RPTOR: variants seen among roughly 807,000 people sequenced by gnomAD.
RPTOR encodes the protein regulatory-associated protein of mTOR.
In RPTOR, 21 loss-of-function variants were observed where a neutral mutation model predicts 169.9. The observed-to-expected ratio is 0.12, with a 90% confidence interval of 0.09 to 0.18. The LOEUF (loss-of-function observed/expected upper bound fraction) is 0.18, where lower values mean the gene tolerates loss of function less well. Among genes scored for constraint, RPTOR ranks in the 10% least tolerant of loss-of-function variants. The probability of loss-of-function intolerance (pLI) is 1.00; values close to 1 mark genes in which losing one functional copy is unlikely to be tolerated. For synonymous variants in RPTOR, 732 were observed against 753.2 expected (o/e 0.97, Z 0.46); for missense variants, 1,133 against 1,855.9 (o/e 0.61, Z 7.16).
At chr17:80,954,890 C>T (rs2069228959) in intron 28 of RPTOR, among the ~76,000 whole-genome samples, 1 of 151,924 alleles carries the variant, frequency 6.6e-6, no homozygotes, top group South Asian at 2.1e-4. Flanking sequence ...GCACTCCAGC[C>T]TGGGCAAAAG....
intron 6 of RPTOR, among the ~76,000 whole-genome samples, chr17:80,777,341 A>G (rs2066901209): frequency 6.6e-6 from 1 of 152,154 alleles, no homozygotes; most frequent in African/African-American, 2.4e-5. Context: ...GTTTCATGTT[A>G]TTTCGAAATT....
chr17:80,711,032 G>GTT, intron 4 of RPTOR, among the ~76,000 whole-genome samples: 1 of 152,258 alleles, frequency 6.6e-6, no homozygotes, highest in East Asian at 1.9e-4. Flanking sequence ...CTTCTTTCAT[G>GTT]GTTAAAGGGT....
Position 80,942,826 on chromosome 17 carries a change from C to T in RPTOR, c.3025+2225C>T, listed in dbSNP as rs1321351438. 2.0e-5 allele frequency among the ~76,000 whole-genome samples: 3 copies of T among 152,248 alleles called. No homozygotes were observed. In the East Asian group the frequency reaches 5.8e-4, roughly 29 times the overall value. On this transcript the variant is annotated intron_variant, in intron 25 of 33. Transcript: ENST00000306801. Reference sequence around the variant, plus strand: ...GGGCAACATTCACGACCTTGGCTGTCACGCACTGATTTTCAAACGTACCAA... The same window carrying T: ...GGGCAACATTCACGACCTTGGCTGTTACGCACTGATTTTCAAACGTACCAA...
At chr17:80,672,858 A>G (rs751817100) in intron 3 of RPTOR, among the ~76,000 whole-genome samples, 9 of 152,190 alleles carry the variant, frequency 5.9e-5, no homozygotes, top group Non-Finnish European at 1.2e-4. Context: ...AAATGACGAT[A>G]CCACCCATTT....
intron 3 of RPTOR, among the ~76,000 whole-genome samples, chr17:80,655,375 AT>A (rs1470797048): frequency 1.3e-5 from 2 of 151,796 alleles, no homozygotes; most frequent in African/African-American, 2.4e-5. Context: ...TATGAGCCAT[AT>A]TTTTTGTTTT....
intron 5 of RPTOR, among the ~76,000 whole-genome samples, chr17:80,748,222 TTGGG>T (rs199819414): frequency 7.6e-5 from 7 of 91,772 alleles, no homozygotes; most frequent in East Asian, 3.2e-4. Flanking sequence ...GGAGGGCCTG[TTGGG>T]TGGATGGAGG....
chr17:80,621,724 A>G (rs1349580904), intron 1 of RPTOR, among the ~76,000 whole-genome samples: 1 of 152,274 alleles, frequency 6.6e-6, no homozygotes, highest in East Asian at 1.9e-4. Flanking sequence ...GCACTAGCAC[A>G]GGGAGTCACC....
chr17:80,666,667 A>G (rs965991786), intron 3 of RPTOR, among the ~76,000 whole-genome samples: 23 of 152,280 alleles, frequency 1.5e-4, no homozygotes, highest in Non-Finnish European at 3.2e-4. Context: ...TCATTCAGCA[A>G]ATGTTTATTG....
intron 20 of RPTOR, among the ~76,000 whole-genome samples, chr17:80,896,381 G>A (rs1158644730): frequency 2.2e-5 from 3 of 135,318 alleles, no homozygotes; most frequent in Non-Finnish European, 3.2e-5. Context: ...CACCCCACGC[G>A]GCCTCGCTGA....
chr17:80,932,695 G>GA (rs974040697), intron 24 of RPTOR, among the ~76,000 whole-genome samples: 1 of 152,018 alleles, frequency 6.6e-6, no homozygotes, highest in Non-Finnish European at 1.5e-5. Context: ...CAAAGAGTGG[G>GA]AAAAAAACAA....
rs1280783346 is a variant in RPTOR, at chr17:80,803,973, TG to T, written c.890+12465del. Among the ~76,000 whole-genome samples, 6 of 152,314 alleles carry T rather than the reference TG, an allele frequency of 3.9e-5. No homozygotes were observed. Among genetic ancestry groups the T allele is most frequent in the Non-Finnish European group, 7.4e-5 (5 of 68,022 alleles). On this transcript the variant is annotated intron_variant, in intron 7 of 33. Transcript: ENST00000306801. This position sits in a 1 kb window ranked among gnomAD's most constrained non-coding sequence, Gnocchi z 6.2. The stretch of plus-strand genomic sequence containing the variant: ...CTGAGCCAGGCACGAGCTTGGGCTG[TG>T]TGGCAAGGGCCTTCTTTGAAAGAGG...
chr17:80,616,296 A>ATGTTTTT (rs1409395643), intron 1 of RPTOR, among the ~76,000 whole-genome samples: 1 of 101,790 alleles, frequency 9.8e-6, no homozygotes, highest in African/African-American at 4.1e-5. Flanking sequence ...AAAATTGAAA[A>ATGTTTTT]TCTTTTTTTT....
At chr17:80,824,949 G>A (rs1204074845) in intron 9 of RPTOR, among the ~76,000 whole-genome samples, 5 of 152,176 alleles carry the variant, frequency 3.3e-5, no homozygotes, top group Non-Finnish European at 7.4e-5. Context: ...GCCGGCGTGG[G>A]GCAGCCACAT....
chr17:80,777,698 G>A (rs1379217224), intron 6 of RPTOR, among the ~76,000 whole-genome samples: 1 of 152,194 alleles, frequency 6.6e-6, no homozygotes, highest in Admixed American at 6.5e-5. Context: ...GAAGTTTGAC[G>A]CCTGCGCCGA....
intron 3 of RPTOR, among the ~76,000 whole-genome samples, chr17:80,649,940 G>A (rs1376052101): frequency 6.6e-6 from 1 of 152,326 alleles, no homozygotes; most frequent in Non-Finnish European, 1.5e-5. Flanking sequence ...ATTGGAAGCA[G>A]CTTCCTGGAA....
At chr17:80,731,873 T>C (rs1275101483) in intron 5 of RPTOR, among the ~76,000 whole-genome samples, 1 of 152,254 alleles carries the variant, frequency 6.6e-6, no homozygotes, top group Non-Finnish European at 1.5e-5. Flanking sequence ...TTAACATGTG[T>C]ACAGTTGAAT....
chr17:80,604,755 T>G (rs2065216024), intron 1 of RPTOR, among the ~76,000 whole-genome samples: 1 of 152,108 alleles, frequency 6.6e-6, no homozygotes, highest in South Asian at 2.1e-4. Flanking sequence ...GGAACTCCCC[T>G]TTATAAAAAC....
chr17:80,728,057 C>T (rs1415059072), intron 4 of RPTOR, among the ~76,000 whole-genome samples: 4 of 151,964 alleles, frequency 2.6e-5, no homozygotes, highest in African/African-American at 9.7e-5. Context: ...ATGGATGGAT[C>T]GATAGGTAGA....
chr17:80,945,804 C>T, intron 26 of RPTOR, 23 bp downstream of exon 26: 1 of 1,456,914 alleles, frequency 6.9e-7, no homozygotes, highest in Non-Finnish European at 9.4e-7. Context: ...CTGGTCAGGC[C>T]TCCCTTCCGG....
Sources: gnomAD v4.1 joint callset for allele counts (sites outside exome capture counted in the v4.1 genomes callset) on GRCh38, gnomAD v4.1.1 for gene constraint, Gnocchi (gnomAD v3.1) non-coding constraint, MANE v1.5 for transcripts, NCBI Gene and HGNC (gene_info 2026-07-23, HGNC 2026-07-21) for gene names.